The following SHTN1 variants were observed in gnomAD, a reference collection of about 807,000 sequenced individuals.
SHTN1 encodes the protein shootin-1.
In SHTN1, 42 loss-of-function variants were observed where a neutral mutation model predicts 83.1. The observed-to-expected ratio is 0.51, with a 90% confidence interval of 0.39 to 0.65. SHTN1 has a LOEUF of 0.65. SHTN1 is among the 30% of genes least tolerant of loss of function. The probability of loss-of-function intolerance (pLI) is 0.00; values close to 1 mark genes in which losing one functional copy is unlikely to be tolerated. For synonymous variants in SHTN1, 224 were observed against 247.7 expected (o/e 0.90, Z 0.90); for missense variants, 622 against 737.8 (o/e 0.84, Z 1.82).
Position 116,946,004 on chromosome 10 carries a change from A to T in SHTN1, c.617-986T>A, listed in dbSNP as rs183992952. On this transcript the variant is annotated intron_variant, in intron 7 of 16. Coordinates refer to ENST00000355371, the MANE Select transcript of SHTN1 (RefSeq NM_001127211.3). ...TGATTCCATTTACATAGAGTTCAAA[A>T]ATATGCAAAATTAAACAATGCTGTT... Among the ~76,000 whole-genome samples the T allele has an allele frequency of 1.0e-3, 159 of 152,258 alleles. 1 individual carries two copies. Among genetic ancestry groups the T allele is most frequent in the East Asian group, 8.5e-3 (44 of 5,172 alleles).
intron 2 of SHTN1, among the ~76,000 whole-genome samples, chr10:117,029,999 C>T (rs548715939): frequency 6.6e-6 from 1 of 151,600 alleles, no homozygotes; most frequent in Admixed American, 6.6e-5. Flanking sequence ...AGCTATTCTC[C>T]TGTCTCAGCC....
chr10:116,934,012 ATTT>A (rs927437046), intron 9 of SHTN1, among the ~76,000 whole-genome samples: 1 of 148,584 alleles, frequency 6.7e-6, no homozygotes, highest in African/African-American at 2.5e-5. Flanking sequence ...TTTTGATGAG[ATTT>A]TTTTTTCTTG....
intron 2 of SHTN1, among the ~76,000 whole-genome samples, chr10:117,042,469 T>C (rs12766760): frequency 0.14 from 22,045 of 152,198 alleles, 1,983 homozygotes; most frequent in South Asian, 0.21. Flanking sequence ...TTGATAACCA[T>C]TGAGTCTCTT....
At chr10:117,064,582 G>T (rs1355809731) in intron 1 of SHTN1, among the ~76,000 whole-genome samples, 2 of 151,438 alleles carry the variant, frequency 1.3e-5, no homozygotes, top group Non-Finnish European at 2.9e-5. Context: ...TTGAACCCGT[G>T]AGGCAGAGGT....
At chr10:116,926,048 A>G (rs1313896399) in intron 11 of SHTN1, among the ~76,000 whole-genome samples, 2 of 152,312 alleles carry the variant, frequency 1.3e-5, no homozygotes, top group East Asian at 3.9e-4. Flanking sequence ...TACTATTTAA[A>G]TTCATCTTAA....
At chr10:117,106,875 T>TA (rs1853677735) in intron 1 of SHTN1, among the ~76,000 whole-genome samples, 4 of 152,134 alleles carry the variant, frequency 2.6e-5, no homozygotes, top group South Asian at 2.1e-4. Context: ...ACAAATTACT[T>TA]AGTCTCTCTG....
At chr10:116,915,716 C>T (rs981374354) in intron 12 of SHTN1, among the ~76,000 whole-genome samples, 1 of 152,058 alleles carries the variant, frequency 6.6e-6, no homozygotes, top group South Asian at 2.1e-4. Context: ...AATTTGTAGC[C>T]TGGATCCAAG....
At chr10:117,037,541 A>C (rs1852516190) in intron 2 of SHTN1, among the ~76,000 whole-genome samples, 1 of 152,208 alleles carries the variant, frequency 6.6e-6, no homozygotes, top group East Asian at 1.9e-4. Flanking sequence ...TTACACAGAC[A>C]TTGACAAGCT....
At chr10:116,990,991 CCTGA>C (rs1451245640) in intron 1 of SHTN1, among the ~76,000 whole-genome samples, 1 of 152,040 alleles carries the variant, frequency 6.6e-6, no homozygotes. Context: ...TCGAGACCAT[CCTGA>C]CTAACATGGT....
intron 2 of SHTN1, among the ~76,000 whole-genome samples, chr10:117,046,195 C>A (rs1564940710): frequency 1.3e-5 from 2 of 151,816 alleles, no homozygotes; most frequent in African/African-American, 4.8e-5. Context: ...CACACACACA[C>A]AAAAACTATA....
chr10:116,945,678 A>C (rs1173626056), intron 7 of SHTN1, among the ~76,000 whole-genome samples: 1 of 152,208 alleles, frequency 6.6e-6, no homozygotes, highest in African/African-American at 2.4e-5. Context: ...TGGTTTTATT[A>C]AATTTGGTAT....
intron 10 of SHTN1, among the ~76,000 whole-genome samples, chr10:116,928,774 T>C (rs1358931938): frequency 6.6e-6 from 1 of 152,220 alleles, no homozygotes; most frequent in African/African-American, 2.4e-5. Context: ...TTTATGTGCA[T>C]GCACCTATCC....
chr10:116,982,882 G>C (rs1851077563), intron 1 of SHTN1, among the ~76,000 whole-genome samples: 1 of 151,936 alleles, frequency 6.6e-6, no homozygotes, highest in African/African-American at 2.4e-5. Context: ...AGGATCACTT[G>C]AACCCAGGAG....
intron 1 of SHTN1, among the ~76,000 whole-genome samples, chr10:117,107,414 A>T (rs768714216): frequency 6.6e-6 from 1 of 151,786 alleles, no homozygotes; most frequent in Non-Finnish European, 1.5e-5. Context: ...CTTCACTCAC[A>T]TACTCCGTTC....
intron 2 of SHTN1, among the ~76,000 whole-genome samples, chr10:117,030,895 A>G (rs1270249993): frequency 6.6e-6 from 1 of 152,172 alleles, no homozygotes; most frequent in Admixed American, 6.5e-5. Flanking sequence ...TCTAAGAGTT[A>G]TAGGTCTTAA....
intron 12 of SHTN1, among the ~76,000 whole-genome samples, chr10:116,919,316 G>GAGTAC (rs1178991812): frequency 1.6e-4 from 24 of 152,312 alleles, no homozygotes; most frequent in African/African-American, 5.8e-4. Context: ...AGCCATGTGT[G>GAGTAC]AGTACAGTAT....
At chr10:116,952,034 A>T in intron 5 of SHTN1, 28 bp from the exon 6 acceptor site, 1 of 1,152,976 alleles carries the variant, frequency 8.7e-7, no homozygotes, top group Non-Finnish European at 1.2e-6. Flanking sequence ...AAAAATATAT[A>T]AATAAACTTA....
chr10:116,948,271 G>T (rs983032703), intron 7 of SHTN1, among the ~76,000 whole-genome samples: 2 of 152,144 alleles, frequency 1.3e-5, no homozygotes, highest in Admixed American at 1.3e-4. Flanking sequence ...GTTTTCTCTG[G>T]ATATAGCCAC....
At chr10:116,971,978 A>G (rs1261191282) in intron 2 of SHTN1, among the ~76,000 whole-genome samples, 1 of 152,204 alleles carries the variant, frequency 6.6e-6, no homozygotes, top group Non-Finnish European at 1.5e-5. Flanking sequence ...CAGATCTGAA[A>G]AAGGCCACCA....
Sources: gnomAD v4.1 joint callset for allele counts (sites outside exome capture counted in the v4.1 genomes callset) on GRCh38, gnomAD v4.1.1 for gene constraint, MANE v1.5 for transcripts, NCBI Gene and HGNC (gene_info 2026-07-23, HGNC 2026-07-21) for gene names.